NF1: variants seen among roughly 807,000 people sequenced by gnomAD.
The protein encoded by NF1 is neurofibromin.
NF1 carries 122 observed loss-of-function variants against 325.7 expected under a neutral mutation model. The ratio of observed to expected loss-of-function variants is 0.37; its 90% CI spans 0.32 to 0.44. NF1 has a LOEUF of 0.44. Ranked by LOEUF, NF1 falls within the 20% of genes least tolerant of loss-of-function variation. The probability of loss-of-function intolerance (pLI) is 1.00; values close to 1 mark genes in which losing one functional copy is unlikely to be tolerated. For missense variants in NF1, 2,140 were observed against 3,415.4 expected (o/e 0.63, Z 9.31); for synonymous variants, 1,091 against 1,186.0 (o/e 0.92, Z 1.65).
chr17:31,304,096 T>A, intron 36 of NF1: 1 of 593,652 alleles, frequency 1.7e-6, no homozygotes, highest in Admixed American at 3.6e-5. Context: ...TAAATAACTT[T>A]TTTTAAAAAA....
rs147849332 is a variant in NF1 at position 31,212,703 on chromosome 17, T to G, written c.1393-1748T>G. Reference sequence around the variant, plus strand: ...CCAGCCTGGGCAACAAAGTGAGACTTGGTCTCAAAATATATATATTATAAT... The same window carrying G: ...CCAGCCTGGGCAACAAAGTGAGACTGGGTCTCAAAATATATATATTATAAT... On this transcript the variant is annotated intron_variant, in intron 12 of 57. Transcript: ENST00000358273. 2.9e-3 allele frequency among the ~76,000 whole-genome samples: 435 copies of G among 152,224 alleles called. 2 individuals are homozygous for G. The highest frequency in any genetic ancestry group is 9.3e-3 in the African/African-American group (385 of 41,542).
chr17:31,154,053 ATTTTT>A (rs67332557), intron 1 of NF1, among the ~76,000 whole-genome samples: 5 of 52,714 alleles, frequency 9.5e-5, no homozygotes, highest in Admixed American at 2.5e-4. Flanking sequence ...AGTTTCTTTG[ATTTTT>A]TTTTTTTTTT....
chr17:31,373,916 C>T (rs1344288296), intron 57 of NF1, 97 bp from the exon 58 acceptor site: 1 of 1,492,004 alleles, frequency 6.7e-7, no homozygotes, highest in East Asian at 2.3e-5. Context: ...TGATTGTTTC[C>T]TAGAATGTGT....
intron 55 of NF1, 72 bp from the exon 56 acceptor site, chr17:31,358,897 T>A (rs2151585735): frequency 7.5e-7 from 1 of 1,338,254 alleles, no homozygotes; most frequent in Non-Finnish European, 1.1e-6. Context: ...ATCAGCTATA[T>A]GACTTATTTA....
intron 36 of NF1, chr17:31,318,159 TC>T (rs2069073570): frequency 1.0e-6 from 1 of 963,928 alleles, no homozygotes; most frequent in Non-Finnish European, 1.5e-6. Flanking sequence ...GGCATACTTC[TC>T]CCTGTCTCAC....
intron 29 of NF1, among the ~76,000 whole-genome samples, chr17:31,241,031 C>T (rs776993902): frequency 1.3e-5 from 2 of 152,072 alleles, no homozygotes; most frequent in African/African-American, 2.4e-5. Flanking sequence ...GTGCCTGCCA[C>T]GATGCCCAGC....
chr17:31,245,804 G>A (rs1316448495), intron 29 of NF1, among the ~76,000 whole-genome samples: 1 of 152,124 alleles, frequency 6.6e-6, no homozygotes. Context: ...CATTATATAG[G>A]CATGATTGAT....
chr17:31,343,226 T>G (rs761280584), intron 48 of NF1, 91 bp downstream of exon 48: 2 of 1,281,760 alleles, frequency 1.6e-6, no homozygotes, highest in Non-Finnish European at 2.2e-6. Context: ...TAAATTGAAG[T>G]AAGTTAGCCC....
rs892441625 is a variant in NF1, at chr17:31,265,226, T to C, written c.4725-3T>C. ...CATAATTACTCTGTTATTTTTCTTT[T>C]AGGCATCAGGTACATGAAAAAGAAG... On this transcript the variant is annotated splice_polypyrimidine_tract_variant and splice_region_variant and intron_variant, in intron 35 of 57. Transcript: ENST00000358273. The C allele has an allele frequency of 9.4e-6, 15 of 1,604,278 alleles. No individual in the cohort carries two copies. The highest frequency in any genetic ancestry group is 1.3e-5 in the Non-Finnish European group (15 of 1,171,396).
chr17:31,323,549 C>T (rs925693589), intron 36 of NF1, among the ~76,000 whole-genome samples: 33 of 152,134 alleles, frequency 2.2e-4, no homozygotes, highest in African/African-American at 7.7e-4. Context: ...AAATGGTGAG[C>T]CCCTAGTAGA....
chr17:31,215,715 T>C (rs1050451347), intron 13 of NF1, among the ~76,000 whole-genome samples: 81 of 152,240 alleles, frequency 5.3e-4, no homozygotes, highest in African/African-American at 1.9e-3. Context: ...TTTGTTGAGC[T>C]TCTTCAGTCC....
chr17:31,258,236 A>T, intron 31 of NF1, 108 bp from the exon 32 acceptor site: 1 of 1,136,522 alleles, frequency 8.8e-7, no homozygotes, highest in Non-Finnish European at 1.3e-6. Context: ...ATTCATGAGG[A>T]CTGATTGATT....
At chr17:31,209,442 C>T (rs766985127) in intron 12 of NF1, among the ~76,000 whole-genome samples, 6 of 152,194 alleles carry the variant, frequency 3.9e-5, no homozygotes, top group Non-Finnish European at 5.9e-5. Context: ...ATTTTCTCTT[C>T]GACCAAGATA....
chr17:31,102,756 G>A (rs1331262906), intron 1 of NF1, among the ~76,000 whole-genome samples: 3 of 151,000 alleles, frequency 2.0e-5, no homozygotes, highest in East Asian at 1.9e-4. Flanking sequence ...AAAAGAGAGC[G>A]TGACTAGTCT....
At chr17:31,223,642 A>G in intron 16 of NF1, 75 bp downstream of exon 16, 1 of 1,448,846 alleles carries the variant, frequency 6.9e-7, no homozygotes, top group Non-Finnish European at 9.6e-7. Context: ...AAAGTGTTTT[A>G]TAGCCAAATT....
intron 1 of NF1, among the ~76,000 whole-genome samples, chr17:31,099,822 A>C (rs560667312): frequency 3.3e-5 from 5 of 152,152 alleles, no homozygotes; most frequent in Admixed American, 6.5e-5. Context: ...TGGCCTCCCA[A>C]AGTGCTGGGA....
intron 11 of NF1, among the ~76,000 whole-genome samples, chr17:31,203,548 T>A (rs1045583986): frequency 1.3e-5 from 2 of 152,182 alleles, no homozygotes; most frequent in Non-Finnish European, 2.9e-5. Flanking sequence ...TGAAAAGGAC[T>A]ATTTATAAAG....
At chr17:31,160,606 T>C (rs965103125) in intron 3 of NF1, among the ~76,000 whole-genome samples, 3 of 152,166 alleles carry the variant, frequency 2.0e-5, no homozygotes, top group Non-Finnish European at 4.4e-5. Context: ...ATGGGCAAAT[T>C]TTAAACTTTT....
At chr17:31,335,274 TTATATA>T (rs1172994332) in intron 40 of NF1, among the ~76,000 whole-genome samples, 1 of 6,700 alleles carries the variant, frequency 1.5e-4, no homozygotes, top group African/African-American at 3.5e-4. Flanking sequence ...CAAGGCATAA[TTATATA>T]TATATATATA....
Sources: allele counts gnomAD v4.1 joint callset (sites outside exome capture counted in the v4.1 genomes callset), GRCh38; gene constraint gnomAD v4.1.1; transcripts MANE v1.5; gene names NCBI Gene and HGNC (gene_info 2026-07-23, HGNC 2026-07-21).